UBE2E2: variants seen among roughly 807,000 people sequenced by gnomAD.
UBE2E2 encodes ubiquitin-conjugating enzyme E2 E2.
In UBE2E2, 6 loss-of-function variants were observed where a neutral mutation model predicts 24.7. The ratio of observed to expected loss-of-function variants is 0.24; its 90% CI spans 0.13 to 0.48. The LOEUF (loss-of-function observed/expected upper bound fraction) is 0.48. UBE2E2 is among the 20% of genes least tolerant of loss of function. The pLI is 0.99. For missense variants in UBE2E2, 169 were observed against 245.0 expected, an observed-to-expected ratio of 0.69 and a Z score of 2.07; for synonymous variants, 104 against 83.6, an observed-to-expected ratio of 1.24 and a Z score of -1.33.
At chr3:23,380,163 C>G (rs1696632596) in intron 3 of UBE2E2, among the ~76,000 whole-genome samples, 1 of 149,804 alleles carries the variant, frequency 6.7e-6, no homozygotes, top group South Asian at 2.1e-4. Flanking sequence ...GTTGAAATTG[C>G]TATACTCTTG....
chr3:23,438,569 CTAAGTA>C (rs1414113406), intron 3 of UBE2E2, among the ~76,000 whole-genome samples: 1 of 152,084 alleles, frequency 6.6e-6, no homozygotes, highest in Non-Finnish European at 1.5e-5. Flanking sequence ...TTAGTTGGTC[CTAAGTA>C]AGTTTTATAG....
chr3:23,203,453 C>CT lies in UBE2E2; in HGVS notation c.-20_-19insT. ...CTCGAGCCTGCGACCTGCACGGACA[C>CT]CCCCCCCTCAGGTATTCGCTCGGGC... On this transcript the variant is annotated 5_prime_UTR_variant, in exon 1 of 6. Coordinates refer to ENST00000396703, the MANE Select transcript of UBE2E2 (RefSeq NM_152653.4). The CT allele has an allele frequency of 2.5e-6, 2 of 788,920 alleles. No individual in the cohort carries two copies. Among genetic ancestry groups the CT allele is most frequent in the Non-Finnish European group, 2.8e-6 (2 of 716,540 alleles). The allele number at this position is 788,920 out of a possible 1,614,324, so 48.9% of individuals were successfully genotyped here.
At chr3:23,252,685 C>T (rs1029370565) in intron 3 of UBE2E2, among the ~76,000 whole-genome samples, 5 of 151,998 alleles carry the variant, frequency 3.3e-5, no homozygotes, top group Non-Finnish European at 5.9e-5. Flanking sequence ...TTAGTAGAGA[C>T]GAGGTTTCAC....
chr3:23,537,827 G>A (rs1695301214), intron 5 of UBE2E2, among the ~76,000 whole-genome samples: 2 of 152,086 alleles, frequency 1.3e-5, no homozygotes, highest in African/African-American at 4.8e-5. Context: ...TTTTACAATT[G>A]ATAGTGACTG....
At chr3:23,243,785 A>T (rs1159424735) in intron 3 of UBE2E2, among the ~76,000 whole-genome samples, 2 of 151,360 alleles carry the variant, frequency 1.3e-5, no homozygotes, top group African/African-American at 4.8e-5. Context: ...TAATAATGAA[A>T]TTTTTCTATG....
chr3:23,543,644 C>T (rs1186217252), intron 5 of UBE2E2, among the ~76,000 whole-genome samples: 2 of 151,888 alleles, frequency 1.3e-5, no homozygotes, highest in African/African-American at 4.8e-5. Context: ...CCATACTGCC[C>T]AAAGCAATCT....
chr3:23,257,988 T>C (rs1575510150), intron 3 of UBE2E2, among the ~76,000 whole-genome samples: 1 of 152,150 alleles, frequency 6.6e-6, no homozygotes, highest in East Asian at 1.9e-4. Context: ...TTATTGGAAA[T>C]GGATTAAAAA....
Position 23,589,640 on chromosome 3 carries a change from C to A in UBE2E2, c.509-94C>A. 2 of 1,298,082 alleles carry A rather than the reference C, an allele frequency of 1.5e-6. No homozygotes were observed. Among genetic ancestry groups the A allele is most frequent in the Non-Finnish European group, 2.2e-6 (2 of 911,706 alleles). The allele number at this position is 1,298,082 out of a possible 1,614,324, so 80.4% of individuals were successfully genotyped here. A position where few individuals can be genotyped will look rare whatever the true frequency, so the allele number is the denominator to read the frequency against. Reference sequence around the variant, plus strand: ...GGTCCAGGTTAGAACAGCAGCTTCTCATCTCCTACCCTCCCACTCCTTGCC... The same window carrying A: ...GGTCCAGGTTAGAACAGCAGCTTCTAATCTCCTACCCTCCCACTCCTTGCC... On this transcript the variant is annotated intron_variant, in intron 5 of 5. Transcript: ENST00000396703. This position sits in a 1 kb window ranked among gnomAD's most constrained non-coding sequence, Gnocchi z 4.1.
intron 3 of UBE2E2, among the ~76,000 whole-genome samples, chr3:23,266,290 G>T (rs1486855108): frequency 6.6e-6 from 1 of 152,200 alleles, no homozygotes; most frequent in Non-Finnish European, 1.5e-5. Flanking sequence ...GGTGCCAGTT[G>T]TTCCTTTCCA....
At chr3:23,534,127 GCT>G in intron 5 of UBE2E2, 1 of 526,076 alleles carries the variant, frequency 1.9e-6, no homozygotes, top group Non-Finnish European at 2.3e-6. Flanking sequence ...TTGCAAGAAG[GCT>G]TTTTTTTTTT....
chr3:23,567,651 C>G (rs570369339), intron 5 of UBE2E2, among the ~76,000 whole-genome samples: 1 of 152,110 alleles, frequency 6.6e-6, no homozygotes, highest in African/African-American at 2.4e-5. Flanking sequence ...GTCAGTGATC[C>G]TATGGGTATA....
chr3:23,269,357 G>GA (rs1172646355), intron 3 of UBE2E2, among the ~76,000 whole-genome samples: 1 of 152,156 alleles, frequency 6.6e-6, no homozygotes, highest in African/African-American at 2.4e-5. Flanking sequence ...ATTTACAAGA[G>GA]AAAAAACAAA....
chr3:23,383,450 T>G (rs1696726376), intron 3 of UBE2E2, among the ~76,000 whole-genome samples: 1 of 149,252 alleles, frequency 6.7e-6, no homozygotes, highest in South Asian at 2.1e-4. Flanking sequence ...GATTGACTTT[T>G]AAGAGATGAG....
chr3:23,274,503 G>A lies in UBE2E2; in HGVS notation c.227+57191G>A, dbSNP rs1367701521. Among the ~76,000 whole-genome samples the A allele has an allele frequency of 4.6e-5, 7 of 151,814 alleles. No individual in the cohort carries two copies. In the South Asian group the frequency reaches 6.3e-4, roughly 14 times the overall value. Reference sequence around the variant, plus strand: ...CCCAAGTACCTGGGACTGTAGGCGCGCACCACCATGCCTGGCTAATTTTTT... The same window carrying A: ...CCCAAGTACCTGGGACTGTAGGCGCACACCACCATGCCTGGCTAATTTTTT... On this transcript the variant is annotated intron_variant, in intron 3 of 5. Coordinates refer to ENST00000396703, the MANE Select transcript of UBE2E2 (RefSeq NM_152653.4).
intron 3 of UBE2E2, among the ~76,000 whole-genome samples, chr3:23,426,516 G>A (rs1697929545): frequency 6.6e-6 from 1 of 151,986 alleles, no homozygotes; most frequent in Non-Finnish European, 1.5e-5. Flanking sequence ...GGTGTGCAGG[G>A]AGACCTGACT....
chr3:23,375,837 A>G (rs1416346271), intron 3 of UBE2E2, among the ~76,000 whole-genome samples: 2 of 152,186 alleles, frequency 1.3e-5, no homozygotes, highest in East Asian at 3.9e-4. Context: ...TGCAGTTATT[A>G]CACCAGAATC....
At chr3:23,377,884 A>G (rs933896059) in intron 3 of UBE2E2, among the ~76,000 whole-genome samples, 1 of 152,172 alleles carries the variant, frequency 6.6e-6, no homozygotes, top group Non-Finnish European at 1.5e-5. Context: ...TTTTATGTAC[A>G]TCTCTTATGT....
chr3:23,385,195 A>G (rs188607884), intron 3 of UBE2E2, among the ~76,000 whole-genome samples: 1 of 152,286 alleles, frequency 6.6e-6, no homozygotes, highest in East Asian at 1.9e-4. Context: ...TTTGAGTTGC[A>G]ACTGTTATTT....
At position 23,271,953 on chromosome 3, in the gene UBE2E2, G is replaced by A. The variant is rs573533774; in HGVS notation, c.227+54641G>A. Among the ~76,000 whole-genome samples the A allele has an allele frequency of 2.6e-5, 4 of 152,340 alleles. No individual in the cohort carries two copies. The East Asian group carries it at 7.7e-4, about 29-fold the overall frequency. On this transcript the variant is annotated intron_variant, in intron 3 of 5. Coordinates refer to ENST00000396703, the MANE Select transcript of UBE2E2 (RefSeq NM_152653.4). Reference sequence around the variant, plus strand: ...CTCCAAGTCGTCACCTGACTCAGGAGCCCAGCTGGCTTCGCCTAGTGGATC... The same window carrying A: ...CTCCAAGTCGTCACCTGACTCAGGAACCCAGCTGGCTTCGCCTAGTGGATC...
Sources: gnomAD v4.1 joint callset for allele counts (sites outside exome capture counted in the v4.1 genomes callset) on GRCh38, gnomAD v4.1.1 for gene constraint, Gnocchi (gnomAD v3.1) non-coding constraint, MANE v1.5 for transcripts, NCBI Gene and HGNC (gene_info 2026-07-23, HGNC 2026-07-21) for gene names.